NEXMIF: variants seen among roughly 807,000 people sequenced by gnomAD.
The protein encoded by NEXMIF is neurite extension and migration factor, also known as XLMR protein related to neurite extension.
A neutral mutation model predicts 62.1 loss-of-function variants in NEXMIF; 8 were observed. That is an observed-to-expected ratio of 0.13 (90% CI 0.08 to 0.23). NEXMIF has a LOEUF of 0.23. Among genes scored for constraint, NEXMIF ranks in the 10% least tolerant of loss-of-function variants. The pLI is 1.00. For synonymous variants in NEXMIF, 404 were observed against 416.6 expected (o/e 0.97, Z 0.37); for missense variants, 976 against 1,113.3 (o/e 0.88, Z 1.75).
At chrX:74,836,888 T>C (rs1000371275) in intron 1 of NEXMIF, among the ~76,000 whole-genome samples, 24 of 111,033 alleles carry the variant, frequency 2.2e-4, no homozygotes, top group African/African-American at 6.9e-4. Flanking sequence ...CACTGTGTCC[T>C]AGACTGCCTT....
chrX:74,872,974 G>GT (rs895604748), intron 1 of NEXMIF, among the ~76,000 whole-genome samples: 68 of 104,514 alleles, frequency 6.5e-4, no homozygotes, highest in African/African-American at 1.4e-3. Context: ...AATTGTTTTG[G>GT]TTTTTTTTTA....
At chrX:74,890,564 C>T (rs1319324520) in intron 1 of NEXMIF, among the ~76,000 whole-genome samples, 1 of 111,778 alleles carries the variant, frequency 8.9e-6, no homozygotes, top group Non-Finnish European at 1.9e-5. Flanking sequence ...ATGTACATAT[C>T]ATCAAACATA....
chrX:74,891,257 G>A (rs1390574998), intron 1 of NEXMIF, among the ~76,000 whole-genome samples: 1 of 110,152 alleles, frequency 9.1e-6, no homozygotes, highest in East Asian at 2.8e-4. Flanking sequence ...AAAGCAGGCA[G>A]AGCAGCTCCG....
chrX:74,868,457 C>A (rs1244029552), intron 1 of NEXMIF, among the ~76,000 whole-genome samples: 1 of 111,204 alleles, frequency 9.0e-6, no homozygotes, highest in Admixed American at 9.6e-5. Flanking sequence ...TAAAAAGGAA[C>A]AAGATTATGT....
At chrX:74,786,858 CGT>C (rs200071546) in intron 1 of NEXMIF, among the ~76,000 whole-genome samples, 9 of 108,001 alleles carry the variant, frequency 8.3e-5, no homozygotes, top group African/African-American at 2.8e-4. Context: ...TGTGCATGTG[CGT>C]GTGTGCACAC....
At chrX:74,893,320 ACTGT>A (rs1197895512) in intron 1 of NEXMIF, among the ~76,000 whole-genome samples, 4 of 112,305 alleles carry the variant, frequency 3.6e-5, no homozygotes, top group Non-Finnish European at 7.5e-5. Flanking sequence ...CTTCTAGTTT[ACTGT>A]CTATCTTTGC....
chrX:74,776,742 A>AAC (rs1556020936), intron 1 of NEXMIF, among the ~76,000 whole-genome samples: 2 of 108,484 alleles, frequency 1.8e-5, no homozygotes, highest in African/African-American at 6.7e-5. Context: ...AAAAAAAAAA[A>AAC]AAACAAACAA....
At chrX:74,745,455 T>C (rs2080123477) in intron 2 of NEXMIF, 117 bp downstream of exon 2, 1 of 498,723 alleles carries the variant, frequency 2.0e-6, no homozygotes, top group East Asian at 3.7e-5. Flanking sequence ...CAATTAACAT[T>C]CATTTCAGAG....
intron 1 of NEXMIF, among the ~76,000 whole-genome samples, chrX:74,895,152 A>G (rs1255564477): frequency 1.8e-5 from 2 of 112,558 alleles, no homozygotes; most frequent in Admixed American, 1.9e-4. Flanking sequence ...AAAAAACAAT[A>G]GCATTTCTAT....
At chrX:74,758,972 T>C (rs2080167787) in intron 1 of NEXMIF, among the ~76,000 whole-genome samples, 1 of 112,357 alleles carries the variant, frequency 8.9e-6, no homozygotes, top group Non-Finnish European at 1.9e-5. Flanking sequence ...CTTTGAGGAA[T>C]TGCCACCTAC....
At chrX:74,872,761 C>T (rs988920612) in intron 1 of NEXMIF, among the ~76,000 whole-genome samples, 1 of 109,416 alleles carries the variant, frequency 9.1e-6, no homozygotes, top group Admixed American at 9.8e-5. Context: ...CACTGCATTC[C>T]TGTATCAAAA....
chrX:74,791,255 C>T (rs1218182162), intron 1 of NEXMIF, among the ~76,000 whole-genome samples: 2 of 111,525 alleles, frequency 1.8e-5, no homozygotes, highest in Admixed American at 9.5e-5. Context: ...TTGTCTTTGG[C>T]TCTGTTTATG....
intron 1 of NEXMIF, among the ~76,000 whole-genome samples, chrX:74,843,631 G>C (rs937340475): frequency 3.6e-5 from 4 of 111,119 alleles, no homozygotes; most frequent in Non-Finnish European, 1.9e-5. Flanking sequence ...AGGGAGGATG[G>C]TGTTGATCTC....
At chrX:74,912,484 C>T (rs1034231608) in intron 1 of NEXMIF, among the ~76,000 whole-genome samples, 1 of 111,283 alleles carries the variant, frequency 9.0e-6, no homozygotes, top group Non-Finnish European at 1.9e-5. Flanking sequence ...TTTACAATGG[C>T]TGAGAGGACA....
At chrX:74,896,015 G>T (rs1471520155) in intron 1 of NEXMIF, among the ~76,000 whole-genome samples, 2 of 111,034 alleles carry the variant, frequency 1.8e-5, no homozygotes, top group Non-Finnish European at 3.8e-5. Flanking sequence ...AAAGTACCTA[G>T]GTTCAAATAA....
In NEXMIF at chrX:74,742,163, T is replaced by C; in HGVS notation, c.2394A>G (p.Leu798=). ...LPTTCSSEMP[L]SSANVTTNIP... ...TATTAGTGGTAACATTAGCAGATGATAAAGGCATTTCAGAAGAGCATGTCG... is the reference window on the plus strand; with the variant it reads ...TATTAGTGGTAACATTAGCAGATGACAAAGGCATTTCAGAAGAGCATGTCG... The change falls in exon 3 of 4, where the codon TTA becomes TTG. Residue 798 remains leucine, a synonymous_variant. Transcript: ENST00000055682. 1 of 1,211,763 alleles carries C rather than the reference T, an allele frequency of 8.3e-7. No individual in the cohort carries two copies. Among genetic ancestry groups the C allele is most frequent in the Non-Finnish European group, 1.1e-6 (1 of 895,447 alleles).
At chrX:74,744,512 T>A in intron 2 of NEXMIF, 35 bp from the exon 3 acceptor site, 1 of 1,049,011 alleles carries the variant, frequency 9.5e-7, no homozygotes. Context: ...AGGAATAAAA[T>A]TAAGAGTCTT....
chrX:74,891,607 G>T (rs2080718121), intron 1 of NEXMIF, among the ~76,000 whole-genome samples: 1 of 111,641 alleles, frequency 9.0e-6, no homozygotes, highest in South Asian at 3.7e-4. Context: ...TGTTGTATTT[G>T]TTTGTTTTGC....
At position 74,806,914 on chromosome X, in the gene NEXMIF, G is replaced by A. The variant is rs185364410; in HGVS notation, c.-47-61217C>T. Reference sequence around the variant, plus strand: ...ATTCTGTTCCATTATCTATTTGTCTGTTGCCAATTCCACAACGTTTTGATT... The same window carrying A: ...ATTCTGTTCCATTATCTATTTGTCTATTGCCAATTCCACAACGTTTTGATT... On this transcript the variant is annotated intron_variant, in intron 1 of 3. Coordinates refer to ENST00000055682, the MANE Select transcript of NEXMIF (RefSeq NM_001008537.3). Among the ~76,000 whole-genome samples the A allele has an allele frequency of 7.1e-5, 8 of 112,631 alleles. No individual in the cohort carries two copies. In the South Asian group the frequency reaches 1.1e-3, roughly 15 times the overall value.
Sources: allele counts gnomAD v4.1 joint callset (sites outside exome capture counted in the v4.1 genomes callset), GRCh38; gene constraint gnomAD v4.1.1; transcripts MANE v1.5; gene names NCBI Gene and HGNC (gene_info 2026-07-23, HGNC 2026-07-21).